The following FRMD4B variants were observed in gnomAD, a reference collection of about 807,000 sequenced individuals.
FRMD4B encodes the protein FERM domain containing 4B.
A neutral mutation model predicts 141.5 loss-of-function variants in FRMD4B; 74 were observed. That is an observed-to-expected ratio of 0.52 (90% confidence interval 0.43 to 0.63). The LOEUF (loss-of-function observed/expected upper bound fraction) is 0.63, where lower values mean the gene tolerates loss of function less well. Ranked by LOEUF, FRMD4B falls within the 30% of genes least tolerant of loss-of-function variation. The pLI is 0.00. For missense variants in FRMD4B, 1,366 were observed against 1,253.4 expected (o/e 1.09, Z -1.36); for synonymous variants, 506 against 467.9 (o/e 1.08, Z -1.05).
chr3:69,188,742 C>A (rs1290312137), intron 18 of FRMD4B, among the ~76,000 whole-genome samples: 1 of 123,980 alleles, frequency 8.1e-6, no homozygotes, highest in Non-Finnish European at 1.6e-5. Flanking sequence ...CCGACCTGGG[C>A]GACAGAGCGA....
Position 69,198,695 on chromosome 3 carries a change from C to T in FRMD4B, c.953+3G>A, listed in dbSNP as rs544681675. On this transcript the variant is annotated splice_donor_region_variant and intron_variant, in intron 12 of 22. Transcript: ENST00000398540. ...CATACAGAGAAACGTCTTTGATCCTCACCTTCGTGGATCATGAACTTCAAC... is the reference window on the plus strand; with the variant it reads ...CATACAGAGAAACGTCTTTGATCCTTACCTTCGTGGATCATGAACTTCAAC... 2 of 1,481,430 alleles carry T rather than the reference C, an allele frequency of 1.4e-6. No individual in the cohort carries two copies. Among genetic ancestry groups the T allele is most frequent in the South Asian group, 1.2e-5 (1 of 83,750 alleles). The allele number at this position is 1,481,430 out of a possible 1,614,324, so 91.8% of individuals were successfully genotyped here. A position where few individuals can be genotyped will look rare whatever the true frequency, so the allele number is the denominator to read the frequency against.
At chr3:69,382,497 ACAGAT>A (rs1704140767) in intron 1 of FRMD4B, among the ~76,000 whole-genome samples, 2 of 152,190 alleles carry the variant, frequency 1.3e-5, no homozygotes, top group Non-Finnish European at 2.9e-5. Context: ...TTTTAATGTC[ACAGAT>A]ATGCTGTATT....
At chr3:69,417,200 C>T (rs976196743) in intron 2 of FRMD4B, among the ~76,000 whole-genome samples, 1 of 152,220 alleles carries the variant, frequency 6.6e-6, no homozygotes, top group Non-Finnish European at 1.5e-5. Flanking sequence ...TCTCCACATC[C>T]TCTCCAGCAT....
intron 1 of FRMD4B, among the ~76,000 whole-genome samples, chr3:69,369,029 T>C (rs1703751101): frequency 6.6e-6 from 1 of 152,236 alleles, no homozygotes; most frequent in Admixed American, 6.5e-5. Flanking sequence ...CTAAACTTCA[T>C]CAAAATTAAT....
intron 17 of FRMD4B, among the ~76,000 whole-genome samples, chr3:69,192,730 T>A (rs1199694098): frequency 6.6e-6 from 1 of 152,232 alleles, no homozygotes; most frequent in Non-Finnish European, 1.5e-5. Flanking sequence ...AAAATTGGGA[T>A]CATGTTGTGG....
chr3:69,439,562 TC>T, intron 1 of FRMD4B, among the ~76,000 whole-genome samples: 1 of 152,250 alleles, frequency 6.6e-6, no homozygotes, highest in East Asian at 1.9e-4. Context: ...AAATATTTTG[TC>T]CCCCACAAAA....
chr3:69,205,263 G>A (rs991590750), intron 11 of FRMD4B, among the ~76,000 whole-genome samples: 2 of 151,190 alleles, frequency 1.3e-5, no homozygotes, highest in African/African-American at 4.9e-5. Context: ...TCGACTTCTC[G>A]GGCTCGCGAT....
At chr3:69,266,001 A>G (rs1306497210) in intron 5 of FRMD4B, among the ~76,000 whole-genome samples, 1 of 151,712 alleles carries the variant, frequency 6.6e-6, no homozygotes, top group African/African-American at 2.4e-5. Context: ...GTTCTAGACC[A>G]GTCTGGGCAA....
upstream of FRMD4B, chr3:69,386,167 G>A (rs1406234593): frequency 1.4e-5 from 8 of 575,460 alleles, no homozygotes; most frequent in South Asian, 2.7e-5. Flanking sequence ...CATGCCCTGG[G>A]ATTGGGTGCC....
intron 1 of FRMD4B, among the ~76,000 whole-genome samples, chr3:69,522,966 G>A (rs1309374897): frequency 4.6e-5 from 7 of 152,070 alleles, no homozygotes; most frequent in Admixed American, 2.6e-4. Flanking sequence ...TTACTCCATA[G>A]GTTATTTTTC....
chr3:69,339,999 C>T (rs1446314692), intron 1 of FRMD4B, among the ~76,000 whole-genome samples: 1 of 152,098 alleles, frequency 6.6e-6, no homozygotes, highest in African/African-American at 2.4e-5. Context: ...CCACTCTTCC[C>T]CTGGTCTTGT....
At chr3:69,439,532 G>A (rs1472624594) in intron 1 of FRMD4B, among the ~76,000 whole-genome samples, 1 of 152,188 alleles carries the variant, frequency 6.6e-6, no homozygotes, top group Non-Finnish European at 1.5e-5. Context: ...GCTAAATTTT[G>A]TACAGTGCAT....
chr3:69,403,876 A>G (rs1704608798), intron 2 of FRMD4B, among the ~76,000 whole-genome samples: 1 of 152,166 alleles, frequency 6.6e-6, no homozygotes, highest in African/African-American at 2.4e-5. Flanking sequence ...AACCAGAATC[A>G]GAGACATGTC....
chr3:69,475,066 C>T (rs1705961446), intron 1 of FRMD4B, among the ~76,000 whole-genome samples: 1 of 152,124 alleles, frequency 6.6e-6, no homozygotes, highest in Non-Finnish European at 1.5e-5. Context: ...TGTGCCCTTA[C>T]CTCTTAGGGC....
intron 7 of FRMD4B, among the ~76,000 whole-genome samples, chr3:69,238,938 T>C (rs541101128): frequency 1.3e-5 from 2 of 152,266 alleles, no homozygotes; most frequent in South Asian, 2.1e-4. Context: ...TGGGTTAGAG[T>C]TGGCAGATTT....
chr3:69,431,582 A>G (rs2106836135), intron 2 of FRMD4B, among the ~76,000 whole-genome samples: 1 of 152,344 alleles, frequency 6.6e-6, no homozygotes, highest in South Asian at 2.1e-4. Context: ...TGCTTTGCCT[A>G]TATTGACTCA....
intron 1 of FRMD4B, among the ~76,000 whole-genome samples, chr3:69,381,181 T>C (rs1704109963): frequency 6.6e-6 from 1 of 152,238 alleles, no homozygotes; most frequent in Non-Finnish European, 1.5e-5. Flanking sequence ...ACTACAGAAA[T>C]ACCTTATAGC....
Position 69,479,129 on chromosome 3 carries a change from C to G in FRMD4B, c.-128-46368G>C, listed in dbSNP as rs545042757. On this transcript the variant is annotated intron_variant, in intron 1 of 5. Transcript: ENST00000459638. Reference sequence around the variant, plus strand: ...GCACATGAGATGGGTTTCCTGAATACAGCACACTGATGGGTCTTGACTCTT... The same window carrying G: ...GCACATGAGATGGGTTTCCTGAATAGAGCACACTGATGGGTCTTGACTCTT... Among the ~76,000 whole-genome samples the G allele has an allele frequency of 3.4e-5, 5 of 148,478 alleles. No individual in the cohort carries two copies. The South Asian group carries it at 1.1e-3, about 33-fold the overall frequency.
intron 10 of FRMD4B, among the ~76,000 whole-genome samples, chr3:69,217,862 G>T (rs2093156932): frequency 6.6e-6 from 1 of 151,886 alleles, no homozygotes; most frequent in South Asian, 2.1e-4. Context: ...ATAAACATCT[G>T]AAAATACTTT....
Sources: allele counts gnomAD v4.1 joint callset (sites outside exome capture counted in the v4.1 genomes callset), GRCh38; gene constraint gnomAD v4.1.1; transcripts MANE v1.5; gene names NCBI Gene and HGNC (gene_info 2026-07-23, HGNC 2026-07-21).